Variants in ZNF804A observed in about 807,000 individuals in gnomAD.
ZNF804A encodes zinc finger protein 804A.
A neutral mutation model predicts 16.5 loss-of-function variants in ZNF804A; 2 were observed. That is an observed-to-expected ratio of 0.12 (90% CI 0.05 to 0.38). The LOEUF is 0.38. ZNF804A is among the 10% of genes least tolerant of loss of function. The pLI, the probability that ZNF804A is intolerant of heterozygous loss-of-function variation, is 0.99. For missense variants in ZNF804A, 1,473 were observed against 1,390.7 expected, an observed-to-expected ratio of 1.06 and a Z score of -0.94; for synonymous variants, 534 against 489.6, an observed-to-expected ratio of 1.09 and a Z score of -1.20.
At chr2:184,867,635 T>C (rs1695894740) in intron 2 of ZNF804A, among the ~76,000 whole-genome samples, 1 of 152,114 alleles carries the variant, frequency 6.6e-6, no homozygotes, top group Non-Finnish European at 1.5e-5. Flanking sequence ...AGTAGATCTG[T>C]TGGCCCACTG....
At chr2:184,692,793 A>T (rs1692754014) in intron 1 of ZNF804A, among the ~76,000 whole-genome samples, 1 of 152,190 alleles carries the variant, frequency 6.6e-6, no homozygotes, top group South Asian at 2.1e-4. Context: ...AATAACTACT[A>T]TTTCATGGCA....
intron 1 of ZNF804A, among the ~76,000 whole-genome samples, chr2:184,856,809 C>T (rs1695695212): frequency 6.6e-6 from 1 of 151,990 alleles, no homozygotes; most frequent in Non-Finnish European, 1.5e-5. Context: ...GTCCCATCCC[C>T]AAGATATCTC....
intron 1 of ZNF804A, among the ~76,000 whole-genome samples, chr2:184,828,671 C>T (rs755410969): frequency 9.9e-5 from 15 of 151,652 alleles, no homozygotes; most frequent in Non-Finnish European, 1.6e-4. Flanking sequence ...TTACAGGTTC[C>T]CTTGACTTCA....
intron 1 of ZNF804A, among the ~76,000 whole-genome samples, chr2:184,622,342 T>C (rs1574135486): frequency 6.6e-6 from 1 of 151,438 alleles, no homozygotes; most frequent in Non-Finnish European, 1.5e-5. Context: ...TTTCGATTGC[T>C]TTCTTTAAAT....
chr2:184,614,592 T>A (rs955693165), intron 1 of ZNF804A, among the ~76,000 whole-genome samples: 1 of 152,126 alleles, frequency 6.6e-6, no homozygotes, highest in Non-Finnish European at 1.5e-5. Context: ...GACACTGCCT[T>A]TAACTCTCAC....
intron 1 of ZNF804A, among the ~76,000 whole-genome samples, chr2:184,816,173 AC>A (rs1463886270): frequency 6.6e-6 from 1 of 151,990 alleles, no homozygotes; most frequent in Non-Finnish European, 1.5e-5. Context: ...ATTAGCTTAA[AC>A]CAAGAATATG....
intron 1 of ZNF804A, among the ~76,000 whole-genome samples, chr2:184,784,954 A>G (rs1694424822): frequency 6.6e-6 from 1 of 151,966 alleles, no homozygotes; most frequent in Non-Finnish European, 1.5e-5. Context: ...CGCTTGAGAG[A>G]CAAGCTTCCC....
At chr2:184,692,106 T>A (rs1204295933) in intron 1 of ZNF804A, among the ~76,000 whole-genome samples, 1 of 152,154 alleles carries the variant, frequency 6.6e-6, no homozygotes, top group African/African-American at 2.4e-5. Context: ...ATTTTAGGAA[T>A]CAAAAGCAGA....
At position 184,748,433 on chromosome 2, in the gene ZNF804A, G is replaced by A. The variant is rs182256574; in HGVS notation, c.112-117936G>A. On this transcript the variant is annotated intron_variant, in intron 1 of 3. Coordinates refer to ENST00000302277, the MANE Select transcript of ZNF804A (RefSeq NM_194250.2). ...TGGCCCCTTGAATGTCTTCTTTTGA[G>A]AAGTGTCTGTTCATGTCTTCTACCC... Among the ~76,000 whole-genome samples, 674 of 151,510 alleles carry A rather than the reference G, an allele frequency of 4.4e-3. 25 individuals carry two copies. In the South Asian group the frequency reaches 0.062, roughly 14 times the overall value.
chr2:184,916,208 A>T (rs1051781524), intron 2 of ZNF804A, among the ~76,000 whole-genome samples: 1 of 152,212 alleles, frequency 6.6e-6, no homozygotes, highest in African/African-American at 2.4e-5. Flanking sequence ...GCCTATGGAA[A>T]CAGTAATAGT....
intron 1 of ZNF804A, among the ~76,000 whole-genome samples, chr2:184,608,736 G>C (rs1392824434): frequency 2.6e-5 from 4 of 152,078 alleles, no homozygotes; most frequent in Admixed American, 2.6e-4. Flanking sequence ...GATTGCAAGA[G>C]AAGGTAGGAG....
At chr2:184,744,039 C>A (rs1273027445) in intron 1 of ZNF804A, among the ~76,000 whole-genome samples, 1 of 151,790 alleles carries the variant, frequency 6.6e-6, no homozygotes, top group Non-Finnish European at 1.5e-5. Context: ...TAAAATGAAT[C>A]CATTTTCTAT....
intron 2 of ZNF804A, among the ~76,000 whole-genome samples, chr2:184,887,256 T>A (rs1426091596): frequency 6.6e-6 from 1 of 152,134 alleles, no homozygotes; most frequent in Admixed American, 6.5e-5. Context: ...TCACAATGGG[T>A]TCCTCGTCTC....
At chr2:184,699,881 A>C (rs917298468) in intron 1 of ZNF804A, among the ~76,000 whole-genome samples, 18 of 152,066 alleles carry the variant, frequency 1.2e-4, no homozygotes, top group African/African-American at 4.3e-4. Context: ...GGAAATGCCT[A>C]GAGCTATGCA....
chr2:184,765,617 T>G, intron 1 of ZNF804A, among the ~76,000 whole-genome samples: 1 of 58,344 alleles, frequency 1.7e-5, no homozygotes, highest in Non-Finnish European at 3.1e-5. Flanking sequence ...CCCCCCCCCT[T>G]AGAGTCGTGA....
intron 2 of ZNF804A, among the ~76,000 whole-genome samples, chr2:184,920,210 C>T (rs541635996): frequency 1.3e-5 from 2 of 152,268 alleles, no homozygotes; most frequent in African/African-American, 2.4e-5. Context: ...ATAAATCAGG[C>T]CTGAGTTTTC....
chr2:184,605,118 T>C (rs1425587374), intron 1 of ZNF804A, among the ~76,000 whole-genome samples: 1 of 152,156 alleles, frequency 6.6e-6, no homozygotes, highest in African/African-American at 2.4e-5. Flanking sequence ...CATATTTAAA[T>C]ACTTGTAGTA....
At chr2:184,930,193 AC>A (rs1186096045) in intron 2 of ZNF804A, among the ~76,000 whole-genome samples, 1 of 152,154 alleles carries the variant, frequency 6.6e-6, no homozygotes, top group African/African-American at 2.4e-5. Context: ...AGTGACCAAG[AC>A]CCTGTATACC....
chr2:184,608,691 C>CT (rs1362822456), intron 1 of ZNF804A, among the ~76,000 whole-genome samples: 1 of 152,134 alleles, frequency 6.6e-6, no homozygotes, highest in African/African-American at 2.4e-5. Flanking sequence ...TTGAGAGCTG[C>CT]TTTTTCCTTT....
Sources: allele counts gnomAD v4.1 joint callset (sites outside exome capture counted in the v4.1 genomes callset), GRCh38; gene constraint gnomAD v4.1.1; transcripts MANE v1.5; gene names NCBI Gene and HGNC (gene_info 2026-07-23, HGNC 2026-07-21).